Variants in VPS35L observed in about 807,000 individuals in gnomAD.
VPS35L encodes VPS35 endosomal protein sorting factor like.
Under a neutral mutation model 133.0 loss-of-function variants are expected in VPS35L, and 83 were observed. The ratio of observed to expected loss-of-function variants is 0.62; its 90% CI spans 0.52 to 0.75. The LOEUF (loss-of-function observed/expected upper bound fraction) is 0.75, where lower values mean the gene tolerates loss of function less well. VPS35L is among the 30% of genes least tolerant of loss of function. VPS35L has a pLI of 0.00. For missense variants in VPS35L, 1,083 were observed against 1,206.8 expected (o/e 0.90, Z 1.52); for synonymous variants, 423 against 449.9 (o/e 0.94, Z 0.76).
intron 29 of VPS35L, 139 bp downstream of exon 29, chr16:19,691,610 C>A (rs372075480): frequency 3.2e-6 from 2 of 631,154 alleles, no homozygotes; most frequent in South Asian, 3.8e-5. Context: ...TTCTCCATTG[C>A]TTTGGGGCCT....
Position 19,700,572 on chromosome 16 carries a change from TTTTTC to T in VPS35L, c.*106_*110del. The T allele has an allele frequency of 9.5e-7, 1 of 1,056,732 alleles. No individual in the cohort carries two copies. Among genetic ancestry groups the T allele is most frequent in the Non-Finnish European group, 1.4e-6 (1 of 703,950 alleles). 65.5% of individuals were successfully genotyped at this position (1,056,732 alleles called of 1,614,324 possible). On this transcript the variant is annotated 3_prime_UTR_variant, in exon 31 of 31. Coordinates refer to ENST00000417362, the MANE Select transcript of VPS35L (RefSeq NM_020314.7). Reference sequence around the variant, plus strand: ...CTCTTACGGCAATTTAGGTTTCTCATTTTTCTTTTCTTTTTACATATGTACAAATT... The same window carrying T: ...CTCTTACGGCAATTTAGGTTTCTCATTTTTCTTTTTACATATGTACAAATT...
intron 14 of VPS35L, 91 bp from the exon 15 acceptor site, chr16:19,626,086 A>G (rs560975384): frequency 7.2e-4 from 583 of 806,998 alleles, no homozygotes; most frequent in Non-Finnish European, 4.2e-4. Flanking sequence ...GGCTACATTC[A>G]TTTTAGAGTT....
intron 8 of VPS35L, among the ~76,000 whole-genome samples, chr16:19,598,821 AT>A (rs200134970): frequency 2.0e-5 from 3 of 151,776 alleles, no homozygotes; most frequent in African/African-American, 7.3e-5. Flanking sequence ...TGGAGATGAA[AT>A]TTTTTTTAAA....
intron 25 of VPS35L, among the ~76,000 whole-genome samples, chr16:19,651,456 C>T (rs1383445437): frequency 1.3e-5 from 2 of 152,152 alleles, no homozygotes; most frequent in African/African-American, 4.8e-5. Flanking sequence ...CCTCCTGCCT[C>T]AGCCTCCCAA....
intron 7 of VPS35L, among the ~76,000 whole-genome samples, chr16:19,590,888 A>T (rs1313905143): frequency 6.6e-6 from 1 of 152,122 alleles, no homozygotes; most frequent in African/African-American, 2.4e-5. Context: ...CCAGGAGTTC[A>T]TTGCTGCAGT....
chr16:19,579,161 G>A (rs757042220), intron 6 of VPS35L, 33 bp downstream of exon 6: 2 of 1,598,114 alleles, frequency 1.3e-6, no homozygotes, highest in East Asian at 4.5e-5. Flanking sequence ...ACAGGGAGTG[G>A]GAGAGCTTTT....
rs1183042833 is a variant in VPS35L, at chr16:19,647,830, A to T, written c.1976A>T (p.Glu659Val). ...DFEQQLSFYV[E>V]SRSMFCNLEP... is the part of the protein sequence containing the mutation. ...GAACAACAGCTGAGTTTTTATGTTG[A>T]GTCCAGGTCGATGTTTTGCAATCTG... The change falls in exon 24 of 31, where the codon GAG becomes GTG. Residue 659 changes from glutamate (E) to valine (V), a missense_variant. Glu to Val is a moderately radical substitution (Grantham distance 121). Transcript: ENST00000417362. 10 of 1,614,098 alleles carry T rather than the reference A, an allele frequency of 6.2e-6. No homozygotes were observed. The highest frequency in any genetic ancestry group is 8.5e-6 in the Non-Finnish European group (10 of 1,180,014).
Position 19,700,364 on chromosome 16 carries a change from CTTTTTCCTCA to C in VPS35L, c.2794-12_2794-3del, listed in dbSNP as rs1232538861. The C allele has an allele frequency of 6.2e-7, 1 of 1,607,194 alleles. No homozygotes were observed. Among genetic ancestry groups the C allele is most frequent in the South Asian group, 1.1e-5 (1 of 90,918 alleles). ...TGAACCAGAAAGGAGATGGATCTTT[CTTTTTCCTCA>C]TAGGTGAAAACGCTAGAATACATCA... is the stretch of plus-strand genomic sequence containing the variant. On this transcript the variant is annotated splice_polypyrimidine_tract_variant and splice_region_variant and intron_variant, in intron 30 of 30. Coordinates refer to ENST00000417362, the MANE Select transcript of VPS35L (RefSeq NM_020314.7).
chr16:19,578,286 C>CTT (rs557894286), intron 5 of VPS35L: 354 of 412,054 alleles, frequency 8.6e-4, no homozygotes, highest in East Asian at 1.9e-3. Flanking sequence ...TTTCTTTTTT[C>CTT]TTTTTTTTTT....
intron 16 of VPS35L, 90 bp downstream of exon 16, chr16:19,627,895 T>C (rs1271135016): frequency 2.0e-6 from 2 of 1,022,376 alleles, no homozygotes; most frequent in African/African-American, 1.6e-5. Context: ...GGGAACAGCA[T>C]GGGCCAGCAG....
chr16:19,586,335 T>G (rs1971863604), intron 7 of VPS35L, among the ~76,000 whole-genome samples: 1 of 150,720 alleles, frequency 6.6e-6, no homozygotes, highest in South Asian at 2.1e-4. Context: ...ATGTGTATAT[T>G]TATTTATTTA....
At chr16:19,688,567 C>T (rs1415362132) in intron 28 of VPS35L, among the ~76,000 whole-genome samples, 1 of 152,162 alleles carries the variant, frequency 6.6e-6, no homozygotes, top group Non-Finnish European at 1.5e-5. Flanking sequence ...ATTGCAGGCC[C>T]GTGCCAGGTG....
intron 14 of VPS35L, among the ~76,000 whole-genome samples, chr16:19,625,101 C>T (rs1465774007): frequency 2.6e-5 from 4 of 151,630 alleles, no homozygotes; most frequent in Admixed American, 6.6e-5. Context: ...CTTCCTTTGG[C>T]GGAGGCGGGG....
chr16:19,566,294 G>A lies in VPS35L; in HGVS notation c.117+1344G>A, dbSNP rs149429813. On this transcript the variant is annotated intron_variant, in intron 2 of 30. Coordinates refer to ENST00000417362, the MANE Select transcript of VPS35L (RefSeq NM_020314.7). Reference sequence around the variant, plus strand: ...GTGGATCACCTGAGGTCAGGAGTTCGACACCAGCCTGGCCAACATGGCAAA... The same window carrying A: ...GTGGATCACCTGAGGTCAGGAGTTCAACACCAGCCTGGCCAACATGGCAAA... Among the ~76,000 whole-genome samples, 325 of 152,212 alleles carry A rather than the reference G, an allele frequency of 2.1e-3. 1 individual carries two copies. Among genetic ancestry groups the A allele is most frequent in the African/African-American group, 7.3e-3 (302 of 41,530 alleles).
intron 27 of VPS35L, among the ~76,000 whole-genome samples, chr16:19,676,244 C>T (rs569095494): frequency 6.6e-6 from 1 of 152,220 alleles, no homozygotes; most frequent in Non-Finnish European, 1.5e-5. Flanking sequence ...AAGAGCAAAA[C>T]TCCGACTCAA....
intron 26 of VPS35L, among the ~76,000 whole-genome samples, chr16:19,664,889 G>C (rs867710869): frequency 2.0e-4 from 30 of 147,518 alleles, no homozygotes; most frequent in African/African-American, 7.2e-4. Context: ...AACAGAGCAA[G>C]AGTTCATCTA....
intron 7 of VPS35L, among the ~76,000 whole-genome samples, chr16:19,590,807 T>G (rs549716240): frequency 6.6e-6 from 1 of 151,984 alleles, no homozygotes; most frequent in African/African-American, 2.4e-5. Context: ...GAAAAAAAAT[T>G]AGCCAACCAT....
intron 5 of VPS35L, chr16:19,578,198 C>A (rs1389905754): frequency 2.3e-6 from 1 of 442,524 alleles, no homozygotes; most frequent in Non-Finnish European, 4.5e-6. Flanking sequence ...GGAGCAGACA[C>A]TTTGTGACTC....
intron 11 of VPS35L, among the ~76,000 whole-genome samples, chr16:19,609,405 G>A (rs1202416416): frequency 1.3e-5 from 2 of 152,080 alleles, no homozygotes; most frequent in Non-Finnish European, 2.9e-5. Flanking sequence ...GGTCCTTTGG[G>A]TCACACATGC....
Sources: gnomAD v4.1 joint callset for allele counts (sites outside exome capture counted in the v4.1 genomes callset) on GRCh38, gnomAD v4.1.1 for gene constraint, MANE v1.5 for transcripts, NCBI Gene and HGNC (gene_info 2026-07-23, HGNC 2026-07-21) for gene names.